CLSTN1: variants seen among roughly 807,000 people sequenced by gnomAD.
The protein encoded by CLSTN1 is calsyntenin-1.
A neutral mutation model predicts 108.3 loss-of-function variants in CLSTN1; 28 were observed. The observed-to-expected ratio is 0.26, with a 90% CI of 0.19 to 0.35. CLSTN1 has a LOEUF of 0.35. Ranked by LOEUF, CLSTN1 falls within the 10% of genes least tolerant of loss-of-function variation. CLSTN1 has a pLI of 1.00. For missense variants in CLSTN1, 1,157 were observed against 1,302.6 expected, an observed-to-expected ratio of 0.89 and a Z score of 1.72; for synonymous variants, 524 against 534.9, an observed-to-expected ratio of 0.98 and a Z score of 0.28.
At chr1:9,804,060 T>C (rs1322782054) in intron 1 of CLSTN1, among the ~76,000 whole-genome samples, 1 of 152,004 alleles carries the variant, frequency 6.6e-6, no homozygotes, top group Admixed American at 6.6e-5. Context: ...TATTCTTGCC[T>C]TTCCCTTATT....
intron 1 of CLSTN1, among the ~76,000 whole-genome samples, chr1:9,794,811 A>T (rs1271457473): frequency 6.6e-6 from 1 of 151,398 alleles, no homozygotes; most frequent in Non-Finnish European, 1.5e-5. Context: ...AACATAACAG[A>T]CCAGGGGTAA....
At chr1:9,738,232 T>TA (rs1650793906) in intron 10 of CLSTN1, among the ~76,000 whole-genome samples, 1 of 152,140 alleles carries the variant, frequency 6.6e-6, no homozygotes, top group South Asian at 2.1e-4. Context: ...TCAGCTCCTC[T>TA]AGCTCCTGGA....
chr1:9,766,123 T>A (rs1271106591), intron 2 of CLSTN1, among the ~76,000 whole-genome samples: 1 of 152,162 alleles, frequency 6.6e-6, no homozygotes, highest in Non-Finnish European at 1.5e-5. Context: ...CTGAAACTTC[T>A]TTTGGATTCT....
At chr1:9,743,360 G>C (rs768576896) in intron 9 of CLSTN1, among the ~76,000 whole-genome samples, 2 of 152,198 alleles carry the variant, frequency 1.3e-5, no homozygotes, top group Non-Finnish European at 1.5e-5. Flanking sequence ...GTTGAAGTCA[G>C]GAGTTCAAGA....
intron 10 of CLSTN1, among the ~76,000 whole-genome samples, chr1:9,739,671 C>T (rs970399697): frequency 1.3e-5 from 2 of 151,940 alleles, no homozygotes; most frequent in Non-Finnish European, 2.9e-5. Context: ...CAGTGAGACC[C>T]CATTTTTATA....
At position 9,741,270 on chromosome 1, in the gene CLSTN1, G is replaced by C. The variant is rs771514689; in HGVS notation, c.1357-14C>G. The C allele has an allele frequency of 1.0e-5, 16 of 1,596,028 alleles. No individual in the cohort carries two copies. The Admixed American group carries it at 1.8e-4, about 18-fold the overall frequency. On this transcript the variant is annotated splice_polypyrimidine_tract_variant and intron_variant, in intron 9 of 18. Coordinates refer to ENST00000377298, the MANE Select transcript of CLSTN1 (RefSeq NM_001009566.3). The stretch of plus-strand genomic sequence containing the variant: ...CTCATCACAGACCTACAGAGGCAAA[G>C]GGAAGCGGGGAGGTGTGAGATGTCC...
At chr1:9,790,099 T>C (rs1653692835) in intron 1 of CLSTN1, among the ~76,000 whole-genome samples, 2 of 151,580 alleles carry the variant, frequency 1.3e-5, no homozygotes, top group Admixed American at 1.3e-4. Flanking sequence ...GTTTGGTGTA[T>C]CAAATAATTT....
At chr1:9,817,795 T>G (rs1454227811) in intron 1 of CLSTN1, among the ~76,000 whole-genome samples, 1 of 151,998 alleles carries the variant, frequency 6.6e-6, no homozygotes, top group African/African-American at 2.4e-5. Context: ...TGAGCAAAAA[T>G]ATACCTAAAA....
chr1:9,731,610 G>T, intron 17 of CLSTN1, 151 bp downstream of exon 17: 1 of 927,576 alleles, frequency 1.1e-6, no homozygotes, highest in Non-Finnish European at 1.6e-6. Context: ...TGCCCTCTTC[G>T]AGGGCTTTAG....
intron 15 of CLSTN1, 73 bp from the exon 16 acceptor site, chr1:9,733,619 C>A (rs1650525014): frequency 6.3e-7 from 1 of 1,575,420 alleles, no homozygotes; most frequent in Non-Finnish European, 8.7e-7. Flanking sequence ...CAGCCGTCAG[C>A]ACAGGCAGGC....
intron 1 of CLSTN1, among the ~76,000 whole-genome samples, chr1:9,807,803 C>T (rs1030150009): frequency 7.2e-5 from 11 of 152,384 alleles, no homozygotes; most frequent in Admixed American, 7.2e-4. Context: ...CCTGGGCTTC[C>T]TGACGTGCTT....
intron 2 of CLSTN1, among the ~76,000 whole-genome samples, chr1:9,762,565 C>T (rs1364647033): frequency 6.7e-6 from 1 of 148,854 alleles, no homozygotes; most frequent in African/African-American, 2.5e-5. Context: ...CCGCTCCACT[C>T]GGCCTTGGTG....
chr1:9,732,045 C>CAA, intron 16 of CLSTN1, 149 bp from the exon 17 acceptor site: 1 of 491,526 alleles, frequency 2.0e-6, no homozygotes, highest in South Asian at 4.5e-5. Context: ...GGGAAAAGGA[C>CAA]AGAAAAAAAA....
chr1:9,774,971 T>C (rs1200205957), intron 1 of CLSTN1, among the ~76,000 whole-genome samples: 1 of 152,168 alleles, frequency 6.6e-6, no homozygotes, highest in Non-Finnish European at 1.5e-5. Flanking sequence ...CTTCCTCACG[T>C]TGCCATGGCA....
chr1:9,796,635 G>C (rs1410782690), intron 1 of CLSTN1, among the ~76,000 whole-genome samples: 1 of 151,868 alleles, frequency 6.6e-6, no homozygotes, highest in Non-Finnish European at 1.5e-5. Context: ...AGTGAGCCAA[G>C]ATCACGCCAC....
intron 1 of CLSTN1, among the ~76,000 whole-genome samples, chr1:9,801,747 G>A (rs1231005045): frequency 4.6e-5 from 7 of 152,070 alleles, no homozygotes; most frequent in Non-Finnish European, 1.0e-4. Flanking sequence ...GTAGAGATGC[G>A]GTTTCTCCAT....
chr1:9,787,201 C>G (rs1483992227), intron 1 of CLSTN1, among the ~76,000 whole-genome samples: 2 of 151,008 alleles, frequency 1.3e-5, no homozygotes, highest in Non-Finnish European at 2.9e-5. Context: ...TTCTGTTTCC[C>G]CCTTCTTCCA....
intron 7 of CLSTN1, among the ~76,000 whole-genome samples, chr1:9,745,828 G>A (rs1276030982): frequency 2.1e-5 from 3 of 143,682 alleles, no homozygotes; most frequent in African/African-American, 8.0e-5. Flanking sequence ...CAGTGCAGTG[G>A]TGCAGCGTTG....
At chr1:9,789,326 C>A (rs1653654503) in intron 1 of CLSTN1, among the ~76,000 whole-genome samples, 1 of 151,452 alleles carries the variant, frequency 6.6e-6, no homozygotes, top group Non-Finnish European at 1.5e-5. Flanking sequence ...GCCCCGATTT[C>A]TCCACCTCCT....
Sources: allele counts gnomAD v4.1 joint callset (sites outside exome capture counted in the v4.1 genomes callset), GRCh38; gene constraint gnomAD v4.1.1; transcripts MANE v1.5; gene names NCBI Gene and HGNC (gene_info 2026-07-23, HGNC 2026-07-21).